Variants in CNOT2 observed in about 807,000 individuals in gnomAD.
CNOT2 encodes the protein CCR4-NOT transcription complex subunit 2.
In CNOT2, 7 loss-of-function variants were observed where a neutral mutation model predicts 72.1. The observed-to-expected ratio is 0.10, with a 90% CI of 0.06 to 0.18. CNOT2 has a LOEUF of 0.18. CNOT2 is among the 10% of genes least tolerant of loss of function. CNOT2 has a pLI of 1.00. For missense variants in CNOT2, 345 were observed against 660.3 expected (o/e 0.52, Z 5.23); for synonymous variants, 196 against 225.6 (o/e 0.87, Z 1.17).
At position 70,315,644 on chromosome 12, in the gene CNOT2, T is replaced by C. The variant is rs1235333687; in HGVS notation, c.172-3654T>C. On this transcript the variant is annotated intron_variant, in intron 3 of 15. Transcript: ENST00000229195. The stretch of plus-strand genomic sequence containing the variant: ...TGAAGGGTTAGGGGAATAACCAGAA[T>C]CACATTACTGTTTCTTCTAGTTGCT... Among the ~76,000 whole-genome samples the C allele has an allele frequency of 3.3e-5, 5 of 152,184 alleles. No individual in the cohort carries two copies. In the East Asian group the frequency reaches 9.6e-4, roughly 29 times the overall value.
At chr12:70,286,494 AC>A (rs1171488799) in intron 2 of CNOT2, among the ~76,000 whole-genome samples, 4 of 150,030 alleles carry the variant, frequency 2.7e-5, no homozygotes, top group Non-Finnish European at 5.9e-5. Context: ...AGCATTGTGT[AC>A]CAATTTATTC....
intron 2 of CNOT2, among the ~76,000 whole-genome samples, chr12:70,309,190 G>A (rs1876019738): frequency 6.6e-6 from 1 of 152,034 alleles, no homozygotes; most frequent in African/African-American, 2.4e-5. Flanking sequence ...TTACAGAATA[G>A]CATTCTGAGA....
chr12:70,314,630 A>G (rs764721263), intron 3 of CNOT2, among the ~76,000 whole-genome samples: 2 of 152,188 alleles, frequency 1.3e-5, no homozygotes, highest in Non-Finnish European at 2.9e-5. Context: ...TTGAGGCTCA[A>G]GTGTTTAAGG....
intron 2 of CNOT2, chr12:70,285,298 C>T (rs1870685627): frequency 1.3e-5 from 2 of 151,934 alleles, no homozygotes; most frequent in Non-Finnish European, 2.9e-5. Flanking sequence ...CAAGCTCTGC[C>T]TCCCAGGTTT....
At chr12:70,307,017 A>T (rs1184442712) in intron 2 of CNOT2, among the ~76,000 whole-genome samples, 2 of 152,154 alleles carry the variant, frequency 1.3e-5, no homozygotes, top group Non-Finnish European at 1.5e-5. Context: ...GATACAAAAC[A>T]TTTTTTTAAA....
At chr12:70,350,528 C>T (rs1882738641) in intron 15 of CNOT2, among the ~76,000 whole-genome samples, 1 of 152,166 alleles carries the variant, frequency 6.6e-6, no homozygotes, top group Admixed American at 6.5e-5. Flanking sequence ...AACCTGAATA[C>T]TCCAAAATCT....
At chr12:70,279,275 A>G (rs1030372715) in intron 2 of CNOT2, among the ~76,000 whole-genome samples, 2 of 152,196 alleles carry the variant, frequency 1.3e-5, no homozygotes, top group African/African-American at 4.8e-5. Context: ...CAAATTGTAA[A>G]TTAGTCTTTT....
At chr12:70,251,789 T>TGTA (rs1656991818) in intron 1 of CNOT2, among the ~76,000 whole-genome samples, 1 of 152,214 alleles carries the variant, frequency 6.6e-6, no homozygotes, top group South Asian at 2.1e-4. Flanking sequence ...TTGTTATATA[T>TGTA]GTAAATGAAT....
chr12:70,305,873 G>GTTTTTTTTTTTTTTTTTTTTT (rs11412509), intron 2 of CNOT2, among the ~76,000 whole-genome samples: 5 of 60,072 alleles, frequency 8.3e-5, no homozygotes, highest in African/African-American at 1.3e-4. Flanking sequence ...TCTGAAGTTT[G>GTTTTTTTTTTTTTTTTTTTTT]TTTTTTTTTT....
intron 1 of CNOT2, among the ~76,000 whole-genome samples, chr12:70,273,570 C>T (rs542365977): frequency 6.6e-6 from 1 of 152,066 alleles, no homozygotes; most frequent in Non-Finnish European, 1.5e-5. Context: ...TAGAAACAGC[C>T]CCTGTTGTCT....
Position 70,305,257 on chromosome 12 carries a change from G to A in CNOT2, c.49-5638G>A, listed in dbSNP as rs150961225. 1.4e-3 allele frequency among the ~76,000 whole-genome samples: 217 copies of A among 152,308 alleles called. 1 individual carries two copies. Among genetic ancestry groups the A allele is most frequent in the African/African-American group, 4.3e-3 (179 of 41,566 alleles). ...AATGCAGAAATCACCCATCTTCTGC[G>A]ACACTCATGCTGGGAGCTATAGACT... On this transcript the variant is annotated intron_variant, in intron 2 of 15. Coordinates refer to ENST00000229195, the MANE Select transcript of CNOT2 (RefSeq NM_014515.7).
At chr12:70,260,869 C>A (rs1555186997) in intron 1 of CNOT2, among the ~76,000 whole-genome samples, 1 of 113,590 alleles carries the variant, frequency 8.8e-6, no homozygotes, top group African/African-American at 3.3e-5. Flanking sequence ...TTTTTTTTTG[C>A]CTAATTGTTC....
chr12:70,247,164 A>C (rs764056950), intron 1 of CNOT2, among the ~76,000 whole-genome samples: 5 of 150,802 alleles, frequency 3.3e-5, no homozygotes, highest in African/African-American at 7.3e-5. Flanking sequence ...TCTTTTCCTT[A>C]TTCTTTTTTT....
At chr12:70,247,752 CTA>C (rs1228944117) in intron 1 of CNOT2, among the ~76,000 whole-genome samples, 2 of 152,184 alleles carry the variant, frequency 1.3e-5, no homozygotes, top group East Asian at 1.9e-4. Context: ...TTGAATGCCT[CTA>C]TAGTGCATAA....
intron 2 of CNOT2, among the ~76,000 whole-genome samples, chr12:70,293,874 G>A (rs1171219038): frequency 3.7e-5 from 5 of 134,292 alleles, no homozygotes. Flanking sequence ...CTCTGTCTTT[G>A]CATTTTCTGG....
intron 2 of CNOT2, among the ~76,000 whole-genome samples, chr12:70,300,756 G>T (rs549687395): frequency 7.7e-4 from 118 of 152,302 alleles, no homozygotes; most frequent in Admixed American, 3.9e-3. Context: ...ATTCTGTGAA[G>T]AAAGTCGTTG....
intron 2 of CNOT2, among the ~76,000 whole-genome samples, chr12:70,291,491 T>C (rs556264972): frequency 1.2e-4 from 18 of 152,346 alleles, no homozygotes; most frequent in African/African-American, 3.6e-4. Context: ...TTTGAGCCAC[T>C]AGTCTTCACA....
chr12:70,255,681 A>G (rs1958403500), intron 1 of CNOT2, among the ~76,000 whole-genome samples: 2 of 152,210 alleles, frequency 1.3e-5, no homozygotes, highest in African/African-American at 4.8e-5. Flanking sequence ...GTACTGTAAC[A>G]AAGGCACTTA....
chr12:70,328,687 G>A (rs1385673552), intron 4 of CNOT2, among the ~76,000 whole-genome samples: 2 of 149,732 alleles, frequency 1.3e-5, no homozygotes, highest in Non-Finnish European at 1.5e-5. Flanking sequence ...TGTTTGTTTC[G>A]TATGAGAATG....
Sources: allele counts gnomAD v4.1 joint callset (sites outside exome capture counted in the v4.1 genomes callset), GRCh38; gene constraint gnomAD v4.1.1; transcripts MANE v1.5; gene names NCBI Gene and HGNC (gene_info 2026-07-23, HGNC 2026-07-21).